The following FAM20C variants were observed in gnomAD, a reference collection of about 807,000 sequenced individuals.
FAM20C encodes the protein extracellular serine/threonine protein kinase FAM20C.
FAM20C carries 40 observed loss-of-function variants against 51.5 expected under a neutral mutation model. That is an observed-to-expected ratio of 0.78 (90% CI 0.60 to 1.01). FAM20C has a LOEUF of 1.01. FAM20C is among the 50% of genes least tolerant of loss of function. The pLI, the probability that FAM20C is intolerant of heterozygous loss-of-function variation, is 0.00. For missense variants in FAM20C, 861 were observed against 844.7 expected (o/e 1.02, Z -0.24); for synonymous variants, 406 against 380.6 (o/e 1.07, Z -0.78).
chr7:223,199 C>T (rs1415786186), intron 3 of FAM20C, among the ~76,000 whole-genome samples: 2 of 152,142 alleles, frequency 1.3e-5, no homozygotes, highest in Non-Finnish European at 2.9e-5. Context: ...GGGCGAGCTC[C>T]CTTCTGTCCA....
intron 3 of FAM20C, among the ~76,000 whole-genome samples, chr7:236,216 TGAGAGGCCGAGCGGCTCCTGGCC>T (rs1787844311): frequency 1.0e-5 from 1 of 98,198 alleles, no homozygotes; most frequent in African/African-American, 8.1e-5. Context: ...CTGGCCGAGG[TGAGAGGCCGAGCGGCTCCTGGCC>T]GAGGTGAGAG....
In FAM20C at chr7:193,763, C is replaced by G. The variant is rs761779092; in HGVS notation, c.564C>G (p.Ser188Arg). 2.3e-5 allele frequency: 36 copies of G among 1,550,264 alleles called. No individual in the cohort carries two copies. Among genetic ancestry groups the G allele is most frequent in the South Asian group, 9.5e-5 (8 of 84,072 alleles). ...AGGACGTCCTGTTCAATGTGAACAG[C>G]GACACCAGGCTCAGCCCCAAAGCGG... ...TEEDVLFNVN[S>R]DTRLSPKAAE... The change falls in exon 1 of 10, where the codon AGC (serine) becomes AGG (arginine). Residue 188 changes from serine (S) to arginine (R), a missense_variant. Physicochemically the swap from Ser to Arg is moderately radical, Grantham distance 110 (BLOSUM62 -1). Around this residue, in one of 3 missense-constraint regions of FAM20C, gnomAD observed 561 missense variants for 499.8 expected, o/e 1.12. Transcript: ENST00000313766.
chr7:209,231 G>C (rs1306238275), intron 3 of FAM20C, among the ~76,000 whole-genome samples: 1 of 152,166 alleles, frequency 6.6e-6, no homozygotes, highest in African/African-American at 2.4e-5. Context: ...TACCCTGTGA[G>C]AATAAGCATT....
At chr7:194,236 C>G (rs1431868258) in intron 1 of FAM20C, 2 of 163,056 alleles carry the variant, frequency 1.2e-5, no homozygotes, top group Non-Finnish European at 2.6e-5. Flanking sequence ...TCTTTTAAAC[C>G]CAGTGGCTGG....
At chr7:235,471 T>C (rs901673992) in intron 3 of FAM20C, among the ~76,000 whole-genome samples, 14 of 152,146 alleles carry the variant, frequency 9.2e-5, no homozygotes, top group African/African-American at 2.9e-4. Context: ...CCCGGGCAGG[T>C]GAAGTTCTAT....
chr7:213,117 G>A (rs918096534), intron 3 of FAM20C, among the ~76,000 whole-genome samples: 1 of 66,306 alleles, frequency 1.5e-5, no homozygotes, highest in African/African-American at 6.5e-5. Context: ...GTCCTGCAGT[G>A]TGTAGTCCTT....
intron 3 of FAM20C, among the ~76,000 whole-genome samples, chr7:232,490 G>A (rs1401915368): frequency 7.2e-5 from 11 of 152,216 alleles, no homozygotes; most frequent in Admixed American, 2.6e-4. Flanking sequence ...AAGGTTTTGC[G>A]AATCAATTCA....
chr7:195,788 G>A, intron 2 of FAM20C, 56 bp downstream of exon 2: 1 of 1,454,494 alleles, frequency 6.9e-7, no homozygotes, highest in South Asian at 1.5e-5. Flanking sequence ...GTGGCATCAG[G>A]GCTGCTGGGG....
intron 3 of FAM20C, among the ~76,000 whole-genome samples, chr7:245,615 C>T (rs374701489): frequency 8.5e-4 from 129 of 152,332 alleles, no homozygotes; most frequent in Non-Finnish European, 1.2e-3. Context: ...CACGCTTACG[C>T]GCTTACACAC....
chr7:234,641 G>A (rs978728586), intron 3 of FAM20C, among the ~76,000 whole-genome samples: 1 of 152,218 alleles, frequency 6.6e-6, no homozygotes, highest in South Asian at 2.1e-4. Flanking sequence ...CGGGCCCTGT[G>A]TCTGCCCTCA....
At chr7:255,501 T>C (rs1366574336) in intron 5 of FAM20C, among the ~76,000 whole-genome samples, 3 of 152,166 alleles carry the variant, frequency 2.0e-5, no homozygotes, top group Non-Finnish European at 2.9e-5. Flanking sequence ...TTTGCAAACG[T>C]TTTCTACCAT....
At chr7:226,114 T>A (rs1022909958) in intron 3 of FAM20C, among the ~76,000 whole-genome samples, 1 of 152,140 alleles carries the variant, frequency 6.6e-6, no homozygotes, top group African/African-American at 2.4e-5. Context: ...CCTGACCTGC[T>A]AGGGTGTGTG....
At chr7:242,738 C>T (rs981841140) in intron 3 of FAM20C, among the ~76,000 whole-genome samples, 1 of 152,202 alleles carries the variant, frequency 6.6e-6, no homozygotes, top group Non-Finnish European at 1.5e-5. Context: ...TGTCCCACAG[C>T]CATGTGTGGC....
intron 2 of FAM20C, among the ~76,000 whole-genome samples, chr7:204,019 C>T (rs1786240546): frequency 6.6e-6 from 1 of 152,206 alleles, no homozygotes; most frequent in Non-Finnish European, 1.5e-5. Flanking sequence ...ACTTAGAAAG[C>T]ACAGTTAAGG....
Position 232,980 on chromosome 7 carries a change from C to T in FAM20C, c.864-13435C>T, listed in dbSNP as rs915048124. Among the ~76,000 whole-genome samples, 7 of 152,340 alleles carry T rather than the reference C, an allele frequency of 4.6e-5. No individual in the cohort carries two copies. The East Asian group carries it at 1.4e-3, about 29-fold the overall frequency. Reference sequence around the variant, plus strand: ...GCCCAGATCCGGGAGGAAACACGGACGTTCGGAACAGCAGGAGCTGGTGTG... The same window carrying T: ...GCCCAGATCCGGGAGGAAACACGGATGTTCGGAACAGCAGGAGCTGGTGTG... On this transcript the variant is annotated intron_variant, in intron 3 of 9. Coordinates refer to ENST00000313766, the MANE Select transcript of FAM20C (RefSeq NM_020223.4).
chr7:212,228 C>T (rs1051751973), intron 3 of FAM20C, among the ~76,000 whole-genome samples: 8 of 152,218 alleles, frequency 5.3e-5, no homozygotes, highest in South Asian at 4.1e-4. Flanking sequence ...TTCGGGAGGC[C>T]GAGGCTGGCG....
At chr7:234,932 C>T (rs1787805407) in intron 3 of FAM20C, among the ~76,000 whole-genome samples, 1 of 152,306 alleles carries the variant, frequency 6.6e-6, no homozygotes, top group South Asian at 2.1e-4. Context: ...CAGCACCCCT[C>T]TCAGCTGCGT....
chr7:224,056 C>A (rs1214096100), intron 3 of FAM20C, among the ~76,000 whole-genome samples: 3,254 of 135,008 alleles, frequency 0.024, 76 homozygotes, highest in Non-Finnish European at 0.034. Context: ...TCTCTCATTG[C>A]GCAGAATGGC....
intron 8 of FAM20C, among the ~76,000 whole-genome samples, chr7:258,396 G>A (rs1393714658): frequency 5.6e-5 from 6 of 106,796 alleles, no homozygotes; most frequent in Admixed American, 1.7e-4. Context: ...CCCACTGCCC[G>A]GGATGCTGGA....
Sources: gnomAD v4.1 joint callset for allele counts (sites outside exome capture counted in the v4.1 genomes callset) on GRCh38, gnomAD v4.1.1 for gene constraint, gnomAD v4.1.1 regional missense constraint, MANE v1.5 for transcripts, NCBI Gene and HGNC (gene_info 2026-07-23, HGNC 2026-07-21) for gene names.